Variants in KIAA0825 observed in about 807,000 individuals in gnomAD.
KIAA0825 encodes the protein KIAA0825, also known as uncharacterized protein KIAA0825.
KIAA0825 carries 119 observed loss-of-function variants against 147.6 expected under a neutral mutation model. The observed-to-expected ratio is 0.81, with a 90% CI of 0.69 to 0.94. KIAA0825 has a LOEUF of 0.94. KIAA0825 is among the 40% of genes least tolerant of loss of function. The pLI, the probability that KIAA0825 is intolerant of heterozygous loss-of-function variation, is 0.00. For synonymous variants in KIAA0825, 470 were observed against 518.1 expected, an observed-to-expected ratio of 0.91 and a Z score of 1.26; for missense variants, 1,381 against 1,472.7, an observed-to-expected ratio of 0.94 and a Z score of 1.02.
At chr5:94,220,451 T>C (rs1203897022) in intron 20 of KIAA0825, among the ~76,000 whole-genome samples, 5 of 152,224 alleles carry the variant, frequency 3.3e-5, no homozygotes, top group Non-Finnish European at 7.3e-5. Flanking sequence ...TTTGTTAATA[T>C]TGTCAAGCAT....
At chr5:94,301,837 A>G (rs892600015) in intron 20 of KIAA0825, among the ~76,000 whole-genome samples, 22 of 152,178 alleles carry the variant, frequency 1.4e-4, no homozygotes, top group Non-Finnish European at 7.4e-5. Context: ...GTTTTCACAA[A>G]GAAAGACTAA....
intron 14 of KIAA0825, among the ~76,000 whole-genome samples, chr5:94,431,413 T>G (rs912143735): frequency 3.3e-5 from 5 of 152,220 alleles, no homozygotes; most frequent in Non-Finnish European, 5.9e-5. Context: ...TAATGTGTCA[T>G]GAACCAGGCC....
chr5:94,376,873 A>T (rs909787539), intron 20 of KIAA0825, among the ~76,000 whole-genome samples: 2 of 152,104 alleles, frequency 1.3e-5, no homozygotes, highest in Non-Finnish European at 2.9e-5. Context: ...TCTTAAACCC[A>T]CTTCTCCATA....
chr5:94,333,763 A>G (rs1160159349), intron 20 of KIAA0825, among the ~76,000 whole-genome samples: 1 of 152,212 alleles, frequency 6.6e-6, no homozygotes, highest in Non-Finnish European at 1.5e-5. Context: ...CTCAGGATAC[A>G]AAATCAATGT....
intron 5 of KIAA0825, 31 bp downstream of exon 5, chr5:94,520,217 A>G: frequency 6.5e-7 from 1 of 1,538,188 alleles, no homozygotes; most frequent in African/African-American, 1.4e-5. Context: ...GACTTAAGTT[A>G]AACCAAACAA....
chr5:94,379,100 T>C (rs953468730), intron 20 of KIAA0825, among the ~76,000 whole-genome samples: 4 of 152,238 alleles, frequency 2.6e-5, no homozygotes, highest in Non-Finnish European at 5.9e-5. Context: ...CAGAAGCTCT[T>C]TTGTTTAATT....
At chr5:94,213,852 G>A (rs1273474968) in intron 20 of KIAA0825, among the ~76,000 whole-genome samples, 1 of 152,068 alleles carries the variant, frequency 6.6e-6, no homozygotes, top group Non-Finnish European at 1.5e-5. Flanking sequence ...CTTGTTCCAG[G>A]AAGCACCTGT....
chr5:94,298,032 G>A (rs1778217593), intron 20 of KIAA0825, among the ~76,000 whole-genome samples: 2 of 149,310 alleles, frequency 1.3e-5, no homozygotes, highest in Non-Finnish European at 1.5e-5. Context: ...AGATCATGAG[G>A]TCAGGAGTTT....
At chr5:94,423,156 T>TA (rs2150743196) in intron 14 of KIAA0825, among the ~76,000 whole-genome samples, 1 of 152,182 alleles carries the variant, frequency 6.6e-6, no homozygotes, top group East Asian at 1.9e-4. Flanking sequence ...TTTGGTGGTT[T>TA]AGGGAGTGAT....
intron 20 of KIAA0825, among the ~76,000 whole-genome samples, chr5:94,258,694 C>T (rs1162801364): frequency 6.6e-6 from 1 of 151,970 alleles, no homozygotes; most frequent in African/African-American, 2.4e-5. Flanking sequence ...AGGTCTACAT[C>T]ACTGAAAAGT....
At chr5:94,424,296 A>G (rs1045673525) in intron 14 of KIAA0825, among the ~76,000 whole-genome samples, 3 of 152,162 alleles carry the variant, frequency 2.0e-5, no homozygotes, top group African/African-American at 7.2e-5. Flanking sequence ...AAGCCAAAAC[A>G]GGTCTCAACA....
At chr5:94,506,059 A>G (rs2053818588) in intron 5 of KIAA0825, among the ~76,000 whole-genome samples, 1 of 152,218 alleles carries the variant, frequency 6.6e-6, no homozygotes, top group East Asian at 1.9e-4. Context: ...ACTATTGCAC[A>G]CTTCATAATT....
At chr5:94,322,405 C>T (rs185888666) in intron 20 of KIAA0825, among the ~76,000 whole-genome samples, 220 of 151,870 alleles carry the variant, frequency 1.4e-3, no homozygotes, top group Admixed American at 2.9e-3. Context: ...ATCAAGGTTA[C>T]TCATACGTAA....
At chr5:94,544,259 T>C (rs564738091) in intron 2 of KIAA0825, among the ~76,000 whole-genome samples, 1 of 152,330 alleles carries the variant, frequency 6.6e-6, no homozygotes, top group African/African-American at 2.4e-5. Context: ...TGTTCAACAC[T>C]CATAGCTGTA....
chr5:94,610,345 T>TGGG (rs896629015), intron 1 of KIAA0825, among the ~76,000 whole-genome samples: 1 of 149,000 alleles, frequency 6.7e-6, no homozygotes, highest in Non-Finnish European at 1.5e-5. Context: ...TGCTTGAACC[T>TGGG]GGGAGGTGGA....
intron 5 of KIAA0825, among the ~76,000 whole-genome samples, chr5:94,507,389 G>T (rs1765874323): frequency 6.6e-6 from 1 of 152,102 alleles, no homozygotes; most frequent in Non-Finnish European, 1.5e-5. Flanking sequence ...GGAGGCGGAG[G>T]CTGCAGTAAG....
intron 9 of KIAA0825, among the ~76,000 whole-genome samples, chr5:94,470,395 A>G (rs1246073889): frequency 6.6e-6 from 1 of 152,236 alleles, no homozygotes; most frequent in East Asian, 1.9e-4. Context: ...AAATGAAAGT[A>G]TTCTTTGTAA....
intron 7 of KIAA0825, 115 bp from the exon 8 acceptor site, chr5:94,473,634 A>G: frequency 1.4e-6 from 1 of 712,526 alleles, no homozygotes; most frequent in Non-Finnish European, 2.3e-6. Context: ...ATTCTTTGAT[A>G]TACTGTAAAA....
chr5:94,283,282 C>T (rs1777538189), intron 20 of KIAA0825, among the ~76,000 whole-genome samples: 1 of 152,028 alleles, frequency 6.6e-6, no homozygotes, highest in African/African-American at 2.4e-5. Context: ...TTCCTTTTAA[C>T]AGAAGAAGAA....
Sources: gnomAD v4.1 joint callset for allele counts (sites outside exome capture counted in the v4.1 genomes callset) on GRCh38, gnomAD v4.1.1 for gene constraint, MANE v1.5 for transcripts, NCBI Gene and HGNC (gene_info 2026-07-23, HGNC 2026-07-21) for gene names.